HDAC9: variants seen among roughly 807,000 people sequenced by gnomAD.
HDAC9 encodes histone deacetylase 9.
A neutral mutation model predicts 139.4 loss-of-function variants in HDAC9; 41 were observed. The ratio of observed to expected loss-of-function variants is 0.29; its 90% CI spans 0.23 to 0.38. The LOEUF is 0.38. HDAC9 is among the 10% of genes least tolerant of loss of function. HDAC9 has a pLI of 1.00. For missense variants in HDAC9, 1,147 were observed against 1,297.0 expected (o/e 0.88, Z 1.78); for synonymous variants, 517 against 476.2 (o/e 1.09, Z -1.12).
chr7:18,415,810 G>C (rs1562965751), intron 1 of HDAC9, among the ~76,000 whole-genome samples: 1 of 152,084 alleles, frequency 6.6e-6, no homozygotes, highest in Non-Finnish European at 1.5e-5. Context: ...ATGTTTTGCA[G>C]ATTTCAAGTA....
At chr7:18,139,859 TAG>T (rs1346754986) in intron 1 of HDAC9, among the ~76,000 whole-genome samples, 1 of 152,160 alleles carries the variant, frequency 6.6e-6, no homozygotes, top group Non-Finnish European at 1.5e-5. Context: ...CTCCGGAAGT[TAG>T]AGTCTTCAAG....
intron 12 of HDAC9, 51 bp from the exon 13 acceptor site, chr7:18,727,529 C>T (rs912518520): frequency 1.3e-6 from 2 of 1,485,244 alleles, no homozygotes; most frequent in African/African-American, 2.8e-5. Context: ...CAGTGTCTCC[C>T]TCAATCCTTG....
In HDAC9 at chr7:18,553,385, CTG is replaced by C. The variant is rs1218506091; in HGVS notation, c.23-31892_23-31891del. 2.0e-5 allele frequency among the ~76,000 whole-genome samples: 3 copies of C among 152,186 alleles called. No individual in the cohort carries two copies. The East Asian group carries it at 5.8e-4, about 29-fold the overall frequency. On this transcript the variant is annotated intron_variant, in intron 2 of 25. Coordinates refer to ENST00000686413, the MANE Select transcript of HDAC9 (RefSeq NM_178425.4). ...TGTGGTTGTCTTAAAGCCTAAATGA[CTG>C]TGTTTTAATGATGTGTAAAGATTCA...
chr7:18,458,718 A>C, intron 1 of HDAC9: 1 of 571,696 alleles, frequency 1.7e-6, no homozygotes, highest in Non-Finnish European at 3.0e-6. Flanking sequence ...TTAATAAATG[A>C]TAAGCTGTAG....
At chr7:18,695,032 G>A (rs1782940762) in intron 12 of HDAC9, among the ~76,000 whole-genome samples, 3 of 152,010 alleles carry the variant, frequency 2.0e-5, no homozygotes, top group African/African-American at 7.3e-5. Context: ...TAGTCTGAAG[G>A]TTGCTGCATG....
intron 1 of HDAC9, among the ~76,000 whole-genome samples, chr7:18,471,349 A>G (rs1322305193): frequency 1.3e-5 from 2 of 152,196 alleles, no homozygotes; most frequent in Non-Finnish European, 2.9e-5. Context: ...TCCTAGCCAT[A>G]GCCTTTCTGC....
intron 9 of HDAC9, among the ~76,000 whole-genome samples, chr7:18,645,370 C>CA (rs1562728369): frequency 6.6e-6 from 1 of 152,096 alleles, no homozygotes; most frequent in Non-Finnish European, 1.5e-5. Context: ...CCAGAAGATT[C>CA]AAAGTGAATC....
intron 17 of HDAC9, among the ~76,000 whole-genome samples, chr7:18,814,352 A>G (rs1444439190): frequency 6.6e-6 from 1 of 152,214 alleles, no homozygotes; most frequent in Non-Finnish European, 1.5e-5. Context: ...AATGAAAGAT[A>G]TCTTCCAAGT....
Position 18,634,725 on chromosome 7 carries a change from C to T in HDAC9, c.895C>T (p.Pro299Ser), listed in dbSNP as rs1176624116. ...VTENETSVLP[P>S]TPHAEQMVSQ... Reference sequence around the variant, plus strand: ...TGAAAATGAGACTTCGGTTTTGCCCCCTACCCCTCATGCCGAGGTAAGACC... The same window carrying T: ...TGAAAATGAGACTTCGGTTTTGCCCTCTACCCCTCATGCCGAGGTAAGACC... The change falls in exon 8 of 26, where the codon CCT (proline) becomes TCT (serine). Residue 299 changes from proline to serine, a missense_variant. Physicochemically the swap from Pro to Ser is moderately conservative, Grantham distance 74. Coordinates refer to ENST00000686413, the MANE Select transcript of HDAC9 (RefSeq NM_178425.4). 1.1e-5 allele frequency: 18 copies of T among 1,594,170 alleles called. No homozygotes were observed. Among genetic ancestry groups the T allele is most frequent in the Non-Finnish European group, 1.5e-5 (18 of 1,169,042 alleles).
At chr7:18,985,763 T>G (rs1344797364) in intron 25 of HDAC9, among the ~76,000 whole-genome samples, 4 of 142,174 alleles carry the variant, frequency 2.8e-5, no homozygotes, top group Non-Finnish European at 6.0e-5. Flanking sequence ...ATCACCATTC[T>G]AACTGGTGTG....
intron 17 of HDAC9, among the ~76,000 whole-genome samples, chr7:18,814,663 A>G (rs1054167436): frequency 1.3e-5 from 2 of 152,202 alleles, no homozygotes; most frequent in African/African-American, 4.8e-5. Context: ...TAATGCTATT[A>G]TGTACCTAAT....
At chr7:18,801,278 C>G (rs1793263444) in intron 17 of HDAC9, among the ~76,000 whole-genome samples, 1 of 151,940 alleles carries the variant, frequency 6.6e-6, no homozygotes, top group Non-Finnish European at 1.5e-5. Flanking sequence ...CCTTTCATTT[C>G]TACTTTTCTA....
At chr7:18,859,811 CATATATATAT>C (rs56249427) in intron 21 of HDAC9, among the ~76,000 whole-genome samples, 1,291 of 44,810 alleles carry the variant, frequency 0.029, 19 homozygotes, top group South Asian at 0.041. Context: ...CTAACGCTCT[CATATATATAT>C]ATATATATAT....
chr7:18,395,167 G>A (rs532916671), intron 1 of HDAC9: 6 of 152,056 alleles, frequency 3.9e-5, no homozygotes, highest in Non-Finnish European at 7.4e-5. Context: ...GAAACTGGAG[G>A]GAGGATGATA....
intron 6 of HDAC9, among the ~76,000 whole-genome samples, chr7:18,595,122 G>A (rs1196631676): frequency 2.6e-5 from 4 of 152,004 alleles, no homozygotes; most frequent in Admixed American, 2.6e-4. Flanking sequence ...TTATGAATAA[G>A]AATTTATTAT....
chr7:18,632,919 G>A (rs796520758), intron 7 of HDAC9, among the ~76,000 whole-genome samples: 4 of 152,066 alleles, frequency 2.6e-5, no homozygotes, highest in Admixed American at 1.3e-4. Flanking sequence ...ACTCTAGGGT[G>A]ATGAAAAAAT....
intron 2 of HDAC9, among the ~76,000 whole-genome samples, chr7:18,568,025 TGTATATATATATATATATATATATATA>T (rs1822982366): frequency 1.4e-5 from 1 of 73,384 alleles, no homozygotes; most frequent in African/African-American, 5.1e-5. Flanking sequence ...TATATGTATA[TGTATATATATATATATATATATATATA>T]TGTAAGCTTA....
At position 18,472,582 on chromosome 7, in the gene HDAC9, A is replaced by C. The variant is rs1487846927; in HGVS notation, c.-41-23680A>C. Reference sequence around the variant, plus strand: ...GGCCTGCTTTCTGTTACAGACACACAGAAGTCTATTCCCTCTGCGTGAAGC... The same window carrying C: ...GGCCTGCTTTCTGTTACAGACACACCGAAGTCTATTCCCTCTGCGTGAAGC... On this transcript the variant is annotated intron_variant, in intron 1 of 3. Transcript: ENST00000413509. Among the ~76,000 whole-genome samples the C allele has an allele frequency of 2.6e-5, 4 of 152,198 alleles. No homozygotes were observed. In the East Asian group the frequency reaches 7.7e-4, roughly 29 times the overall value.
intron 12 of HDAC9, among the ~76,000 whole-genome samples, chr7:18,722,965 A>G (rs113091007): frequency 0.021 from 3,142 of 152,308 alleles, 40 homozygotes; most frequent in Middle Eastern, 0.034. Context: ...TAATATAGGT[A>G]ATATGCAGAA....
Sources: gnomAD v4.1 joint callset for allele counts (sites outside exome capture counted in the v4.1 genomes callset) on GRCh38, gnomAD v4.1.1 for gene constraint, MANE v1.5 for transcripts, NCBI Gene and HGNC (gene_info 2026-07-23, HGNC 2026-07-21) for gene names.